PRRC2A: variants seen among roughly 807,000 people sequenced by gnomAD.
The protein encoded by PRRC2A is proline rich coiled-coil 2A.
In PRRC2A, 59 loss-of-function variants were observed where a neutral mutation model predicts 224.6. That is an observed-to-expected ratio of 0.26 (90% CI 0.21 to 0.33). The LOEUF (loss-of-function observed/expected upper bound fraction) is 0.33, where lower values mean the gene tolerates loss of function less well. Among genes scored for constraint, PRRC2A ranks in the 10% least tolerant of loss-of-function variants. The probability of loss-of-function intolerance (pLI) is 1.00; values close to 1 mark genes in which losing one functional copy is unlikely to be tolerated. For missense variants in PRRC2A, 3,095 were observed against 2,880.7 expected (o/e 1.07, Z -1.70); for synonymous variants, 1,194 against 1,109.5 (o/e 1.08, Z -1.51).
At position 31,627,844 on chromosome 6, in the gene PRRC2A, C is replaced by T. The variant is rs376616226; in HGVS notation, c.1370C>T (p.Ser457Leu). The part of the protein sequence containing the change: ...EAWRQRRKQS[S>L]SEISLAVERA... ...TGGCGGCAGCGACGAAAGCAGTCGT[C>T]ATCTGAGATTTCCCTGGCAGTGGAG... The change falls in exon 12 of 31, where the codon TCA (serine) becomes TTA (leucine). Residue 457 changes from serine (S) to leucine (L), a missense_variant. By Grantham distance (145) the Ser-to-Leu change is moderately radical. Coordinates refer to ENST00000376033, the MANE Select transcript of PRRC2A (RefSeq NM_004638.4). This position sits in a 1 kb window ranked among gnomAD's most constrained non-coding sequence, Gnocchi z 5.6. The T allele has an allele frequency of 1.2e-6, 2 of 1,613,106 alleles. No homozygotes were observed. The highest frequency in any genetic ancestry group is 2.2e-5 in the South Asian group (2 of 91,086).
Position 31,637,716 on chromosome 6 carries a change from CCT to C in PRRC2A, c.*131_*132del, listed in dbSNP as rs1311625948. 1.5e-5 allele frequency: 8 copies of C among 522,896 alleles called. No individual in the cohort carries two copies. The highest frequency in any genetic ancestry group is 4.0e-5 in the Admixed American group (1 of 25,304). 32.4% of individuals were successfully genotyped at this position (522,896 alleles called of 1,614,324 possible). Reference sequence around the variant, plus strand: ...CCCCTCCTCCCCCTTCCCCTGGTCCCCTGTCCCTGGGGCTGTTTGTTAAAAAA... The same window carrying C: ...CCCCTCCTCCCCCTTCCCCTGGTCCCGTCCCTGGGGCTGTTTGTTAAAAAA... On this transcript the variant is annotated 3_prime_UTR_variant, in exon 31 of 31. Coordinates refer to ENST00000376033, the MANE Select transcript of PRRC2A (RefSeq NM_004638.4).
rs1450046801 is a variant in PRRC2A at position 31,630,578 on chromosome 6, T to C, written c.2255-13T>C. The C allele has an allele frequency of 6.2e-7, 1 of 1,613,352 alleles. No homozygotes were observed. Among genetic ancestry groups the C allele is most frequent in the Non-Finnish European group, 8.5e-7 (1 of 1,179,468 alleles). On this transcript the variant is annotated splice_polypyrimidine_tract_variant and intron_variant, in intron 14 of 30. Coordinates refer to ENST00000376033, the MANE Select transcript of PRRC2A (RefSeq NM_004638.4). Reference sequence around the variant, plus strand: ...TGAATAGGATTATTTTTCTTTTTCTTTGGTTTCTTCAGGCCTAGTTCCCCG... The same window carrying C: ...TGAATAGGATTATTTTTCTTTTTCTCTGGTTTCTTCAGGCCTAGTTCCCCG...
intron 23 of PRRC2A, 42 bp downstream of exon 23, chr6:31,635,507 T>C (rs2150534361): frequency 6.2e-7 from 1 of 1,612,154 alleles, no homozygotes; most frequent in South Asian, 1.1e-5. Context: ...CCAAGATTTC[T>C]GGGGAAGATT....
intron 1 of PRRC2A, among the ~76,000 whole-genome samples, chr6:31,621,068 G>C (rs907480527): frequency 1.3e-5 from 2 of 152,208 alleles, no homozygotes; most frequent in Non-Finnish European, 2.9e-5. Context: ...AGTTCATTCA[G>C]GATCCGTAGT....
At position 31,626,865 on chromosome 6, in the gene PRRC2A, G is replaced by A; in HGVS notation, c.1073+3G>A. The A allele has an allele frequency of 6.2e-7, 1 of 1,610,992 alleles. No individual in the cohort carries two copies. Among genetic ancestry groups the A allele is most frequent in the Non-Finnish European group, 8.5e-7 (1 of 1,178,660 alleles). The stretch of plus-strand genomic sequence containing the variant: ...GATGAGGAGGGTGCTGAGGGCCAGT[G>A]AGTTAGGGCCATCAGGGGAGAAGAG... On this transcript the variant is annotated splice_donor_region_variant and intron_variant, in intron 10 of 30. Coordinates refer to ENST00000376033, the MANE Select transcript of PRRC2A (RefSeq NM_004638.4).
rs758116360 is a variant in PRRC2A, at chr6:31,636,014, C to T, written c.5589C>T (p.Gly1863=). 6.2e-7 allele frequency: 1 copy of T among 1,613,642 alleles called. No individual in the cohort carries two copies. Among genetic ancestry groups the T allele is most frequent in the Non-Finnish European group, 8.5e-7 (1 of 1,179,590 alleles). ...CTCAATTACATCCAAACAGTGGAGG[C>T]TTCCGCCCTGGGACACCCTCACTGC... ...MDSQLHPNSG[G]FRPGTPSLHP... Residue 1863 remains glycine (G), a synonymous_variant, in exon 25 of 31, where the codon GGC becomes GGT. Transcript: ENST00000376033. The surrounding 1 kb of genome is among the most constrained non-coding windows in gnomAD (Gnocchi z 4.3).
chr6:31,626,631 T>A (rs927099913), intron 9 of PRRC2A, 141 bp from the exon 10 acceptor site: 1 of 723,910 alleles, frequency 1.4e-6, no homozygotes, highest in African/African-American at 1.8e-5. Context: ...GGAGTAAGAA[T>A]GACAAGACTT....
chr6:31,635,756 C>G lies in PRRC2A; in HGVS notation c.5541+7C>G. 6.4e-7 allele frequency: 1 copy of G among 1,571,936 alleles called. No individual in the cohort carries two copies. The highest frequency in any genetic ancestry group is 1.4e-5 in the African/African-American group (1 of 72,880). ...TGGGCCTTCCAGTTCTCAGGTAGGCCCCGCTTCCCATTGCATGACCCCTTC... is the reference window on the plus strand; with the variant it reads ...TGGGCCTTCCAGTTCTCAGGTAGGCGCCGCTTCCCATTGCATGACCCCTTC... On this transcript the variant is annotated splice_region_variant and intron_variant, in intron 24 of 30. Transcript: ENST00000376033.
At chr6:31,623,258 GATTTTT>G (rs753130741) in intron 2 of PRRC2A, 2 of 360,414 alleles carry the variant, frequency 5.5e-6, no homozygotes, top group Admixed American at 3.9e-5. Context: ...GGATTTCATA[GATTTTT>G]TTTTTTTTTT....
chr6:31,632,537 G>T lies in PRRC2A; in HGVS notation c.3864G>T (p.Glu1288Asp). The change falls in exon 16 of 31, where the codon GAG becomes GAT. Residue 1288 changes from glutamate to aspartate, a missense_variant. By Grantham distance (45) the Glu-to-Asp change is conservative. Transcript: ENST00000376033. ...CAGCCTCCGCTCCTGGACCTGAGGA[G>T]GCCCTCACAACAGTCACAGTGGCCC... is the stretch of plus-strand genomic sequence containing the variant. Reference protein sequence around the residue: ...TLPASAPGPEEALTTVTVAPA... With the variant: ...TLPASAPGPEDALTTVTVAPA... The T allele has an allele frequency of 6.2e-7, 1 of 1,610,442 alleles. No homozygotes were observed. Among genetic ancestry groups the T allele is most frequent in the Non-Finnish European group, 8.5e-7 (1 of 1,178,264 alleles).
Position 31,628,152 on chromosome 6 carries a change from A to C in PRRC2A, c.1678A>C (p.Thr560Pro). 2 of 1,612,692 alleles carry C rather than the reference A, an allele frequency of 1.2e-6. No individual in the cohort carries two copies. The highest frequency in any genetic ancestry group is 1.7e-6 in the Non-Finnish European group (2 of 1,179,930). The stretch of plus-strand genomic sequence containing the variant: ...GGCCCCTCCTGCCCAATCTACTCCT[A>C]CTCCAGGTGTGGCTGCGGCTCCCAC... ...AQAPPAQSTPTPGVAAAPTLV... is the reference protein window; with the variant it reads ...AQAPPAQSTPPPGVAAAPTLV... Residue 560 changes from threonine to proline, a missense_variant, in exon 12 of 31, where the codon ACT becomes CCT. Transcript: ENST00000376033.
At position 31,626,837 on chromosome 6, in the gene PRRC2A, T is replaced by A. The variant is rs747434915; in HGVS notation, c.1048T>A (p.Ser350Thr). The A allele has an allele frequency of 1.2e-5, 20 of 1,606,676 alleles. No homozygotes were observed. Among genetic ancestry groups the A allele is most frequent in the Admixed American group, 1.7e-5 (1 of 58,464 alleles). Reference protein sequence around the residue: ...KFSDEEDGRDSDEEGAEGHRD... With the variant: ...KFSDEEDGRDTDEEGAEGHRD... ...CAGCGATGAGGAAGATGGGCGAGAC[T>A]CTGATGAGGAGGGTGCTGAGGGCCA... Residue 350 changes from serine to threonine, a missense_variant, in exon 10 of 31, where the codon TCT becomes ACT. Physicochemically the swap from Ser to Thr is moderately conservative, Grantham distance 58 (BLOSUM62 1). Around this residue, in one of 8 missense-constraint regions of PRRC2A, gnomAD observed 2,001 missense variants for 1,764.9 expected, o/e 1.13. Transcript: ENST00000376033.
rs1776120444 is a variant in PRRC2A at position 31,628,072 on chromosome 6, C to T, written c.1598C>T (p.Ala533Val). 6.2e-7 allele frequency: 1 copy of T among 1,612,832 alleles called. No individual in the cohort carries two copies. Among genetic ancestry groups the T allele is most frequent in the Admixed American group, 1.7e-5 (1 of 59,980 alleles). Reference protein sequence around the residue: ...AVPKELPAPPAPPPASAPTPE... With the variant: ...AVPKELPAPPVPPPASAPTPE... ...CCTAAAGAACTCCCTGCACCTCCAG[C>T]TCCACCTCCAGCATCAGCCCCAACA... The change falls in exon 12 of 31, where the codon GCT (alanine) becomes GTT (valine). Residue 533 changes from alanine (A) to valine (V), a missense_variant. By Grantham distance (64) the Ala-to-Val change is moderately conservative (BLOSUM62 0). Transcript: ENST00000376033.
rs146442052 is a variant in PRRC2A, at chr6:31,633,884, A to G, written c.4614A>G (p.Pro1538=). ...SSDPHFEEPG[P]MVRGVGGTPR... is the part of the protein sequence containing the mutation. ...ACCCCCACTTTGAGGAGCCGGGGCCAATGGTGAGAGGGGTGGGTGGGACTC... is the reference window on the plus strand; with the variant it reads ...ACCCCCACTTTGAGGAGCCGGGGCCGATGGTGAGAGGGGTGGGTGGGACTC... Residue 1538 remains proline, a synonymous_variant, in exon 18 of 31, where the codon CCA becomes CCG. Coordinates refer to ENST00000376033, the MANE Select transcript of PRRC2A (RefSeq NM_004638.4). The G allele has an allele frequency of 2.5e-6, 4 of 1,580,114 alleles. No homozygotes were observed. The African/African-American group carries it at 5.5e-5, about 22-fold the overall frequency.
rs755653515 is a variant in PRRC2A, at chr6:31,628,134, C to G, written c.1660C>G (p.Pro554Ala). Residue 554 changes from proline to alanine, a missense_variant, in exon 12 of 31, where the codon CCT becomes GCT. Physicochemically the swap from Pro to Ala is conservative, Grantham distance 27. Coordinates refer to ENST00000376033, the MANE Select transcript of PRRC2A (RefSeq NM_004638.4). ...TEPEEPAQAP[P>A]AQSTPTPGVA... ...ACCTGAAGAGCCAGCACAGGCCCCTCCTGCCCAATCTACTCCTACTCCAGG... is the reference window on the plus strand; with the variant it reads ...ACCTGAAGAGCCAGCACAGGCCCCTGCTGCCCAATCTACTCCTACTCCAGG... 7.4e-6 allele frequency: 12 copies of G among 1,613,046 alleles called. No homozygotes were observed. Among genetic ancestry groups the G allele is most frequent in the Non-Finnish European group, 1.0e-5 (12 of 1,180,040 alleles).
rs771845263 is a variant in PRRC2A at position 31,627,247 on chromosome 6, T to C, written c.1290+49T>C. The C allele has an allele frequency of 7.4e-7, 1 of 1,355,072 alleles. No homozygotes were observed. The allele number at this position is 1,355,072 out of a possible 1,614,324, so 83.9% of individuals were successfully genotyped here. The stretch of plus-strand genomic sequence containing the variant: ...GAGAGGGTCAGCTGTGGGAAATTGG[T>C]GTCAGCTGAGTAATTGAAGCGGTTG... On this transcript the variant is annotated intron_variant, in intron 11 of 30. Transcript: ENST00000376033. This position sits in a 1 kb window ranked among gnomAD's most constrained non-coding sequence, Gnocchi z 5.6.
Position 31,636,497 on chromosome 6 carries a change from T to C in PRRC2A, c.5836-13T>C. On this transcript the variant is annotated splice_polypyrimidine_tract_variant and intron_variant, in intron 26 of 30. Transcript: ENST00000376033. This position sits in a 1 kb window ranked among gnomAD's most constrained non-coding sequence, Gnocchi z 4.3. ...TTGTGGGGGTTGATATATTTCTCCC[T>C]GTTTCCCGACAGGTACGCCAGGATC... 1 of 1,605,558 alleles carries C rather than the reference T, an allele frequency of 6.2e-7. No homozygotes were observed. Among genetic ancestry groups the C allele is most frequent in the Non-Finnish European group, 8.5e-7 (1 of 1,177,206 alleles).
chr6:31,625,112 TTA>T lies in PRRC2A; in HGVS notation c.464-56_464-55del. 6.4e-7 allele frequency: 1 copy of T among 1,567,246 alleles called. No homozygotes were observed. Among genetic ancestry groups the T allele is most frequent in the Non-Finnish European group, 8.7e-7 (1 of 1,149,742 alleles). On this transcript the variant is annotated intron_variant, in intron 5 of 30. Transcript: ENST00000376033. This position sits in a 1 kb window ranked among gnomAD's most constrained non-coding sequence, Gnocchi z 4.1. ...CGCGCCCAGCCAGAGTCTTCCACTT[TTA>T]TAGCATGTCCTCAGGAAATGTCTTC...
rs1037417884 is a variant in PRRC2A, at chr6:31,627,525, A to G, written c.1291-240A>G. 1.3e-5 allele frequency among the ~76,000 whole-genome samples: 2 copies of G among 152,134 alleles called. No homozygotes were observed. Among genetic ancestry groups the G allele is most frequent in the Non-Finnish European group, 2.9e-5 (2 of 68,028 alleles). ...TTAGTATGCATCAGTAGTCCAAGCT[A>G]CTCAGCAGGCTGAAGCAGAAGGATC... On this transcript the variant is annotated intron_variant, in intron 11 of 30. Transcript: ENST00000376033. This position sits in a 1 kb window ranked among gnomAD's most constrained non-coding sequence, Gnocchi z 5.6.
Sources: allele counts gnomAD v4.1 joint callset (sites outside exome capture counted in the v4.1 genomes callset), GRCh38; gene constraint gnomAD v4.1.1; regional missense constraint gnomAD v4.1.1; non-coding constraint Gnocchi (gnomAD v3.1); transcripts MANE v1.5; gene names NCBI Gene and HGNC (gene_info 2026-07-23, HGNC 2026-07-21).